Variants in RUBCN observed in about 807,000 individuals in gnomAD.
RUBCN encodes run domain Beclin-1-interacting and cysteine-rich domain-containing protein.
In RUBCN, 74 loss-of-function variants were observed where a neutral mutation model predicts 113.2. That is an observed-to-expected ratio of 0.65 (90% CI 0.54 to 0.79). RUBCN has a LOEUF of 0.79. Among genes scored for constraint, RUBCN ranks in the 30% least tolerant of loss-of-function variants. RUBCN has a pLI of 0.00. For missense variants in RUBCN, 1,109 were observed against 1,251.7 expected (o/e 0.89, Z 1.72); for synonymous variants, 480 against 490.0 (o/e 0.98, Z 0.27).
At chr3:197,717,871 C>G in intron 2 of RUBCN, 106 bp downstream of exon 2, 1 of 1,230,050 alleles carries the variant, frequency 8.1e-7, no homozygotes, top group Non-Finnish European at 1.2e-6. Context: ...CACAGCTGCT[C>G]TCAGGAGTCC....
In RUBCN at chr3:197,694,580, A is replaced by G; in HGVS notation, c.1479T>C (p.Asn493=). The G allele has an allele frequency of 1.2e-6, 2 of 1,614,112 alleles. No homozygotes were observed. The highest frequency in any genetic ancestry group is 1.7e-6 in the Non-Finnish European group (2 of 1,179,942). ...AGGACTCTGAGATGCTGAAGTGGGC[A>G]TTCTCCTGGCGGAAGGAGAGCACCA... The part of the protein sequence containing the change: ...FGSCADLEKE[N]AHFSISESLI... Residue 493 remains asparagine, a synonymous_variant, in exon 10 of 20, where the codon AAT becomes AAC. Transcript: ENST00000296343.
Position 197,729,145 on chromosome 3 carries a change from C to CCAA in RUBCN, c.65+7509_65+7510insTTG, listed in dbSNP as rs1281871272. 1.0e-3 allele frequency among the ~76,000 whole-genome samples: 76 copies of CCAA among 75,446 alleles called. No homozygotes were observed. The East Asian group carries it at 0.031, about 31-fold the overall frequency. The allele number at this position is 75,446 out of a possible 152,430, so 49.5% of individuals were successfully genotyped here. A position where few individuals can be genotyped will look rare whatever the true frequency, so the allele number is the denominator to read the frequency against. Reference sequence around the variant, plus strand: ...TGGGCAACAGAGCGAGACTCCGTCTCAAAAAAAAAAAAAAAAGATTCAATA... The same window carrying CCAA: ...TGGGCAACAGAGCGAGACTCCGTCTCCAAAAAAAAAAAAAAAAAAGATTCAATA... On this transcript the variant is annotated intron_variant, in intron 1 of 19. Transcript: ENST00000296343.
rs1719814503 is a variant in RUBCN at position 197,671,790 on chromosome 3, T to C, written c.*3228A>G. 6.6e-6 allele frequency: 1 copy of C among 152,208 alleles called. No individual in the cohort carries two copies. The highest frequency in any genetic ancestry group is 1.5e-5 in the Non-Finnish European group (1 of 68,038). 9.4% of individuals were successfully genotyped at this position (152,208 alleles called of 1,614,324 possible). On this transcript the variant is annotated 3_prime_UTR_variant, in exon 20 of 20. Transcript: ENST00000296343. Reference sequence around the variant, plus strand: ...CTCATTTTAAGTGACAGTTACACCATGCACCAGAAACCCAGAGAAGTGAAG... The same window carrying C: ...CTCATTTTAAGTGACAGTTACACCACGCACCAGAAACCCAGAGAAGTGAAG...
upstream of RUBCN, among the ~76,000 whole-genome samples, chr3:197,738,633 T>C (rs1728359166): frequency 6.6e-6 from 1 of 152,250 alleles, no homozygotes; most frequent in Admixed American, 6.5e-5. Context: ...TCACCCAGGC[T>C]GGGGTGCAGT....
At chr3:197,746,078 G>A (rs1311144121) in intron 1 of RUBCN, among the ~76,000 whole-genome samples, 1 of 152,172 alleles carries the variant, frequency 6.6e-6, no homozygotes, top group African/African-American at 2.4e-5. Context: ...AAGGTTGCCA[G>A]ATTTAGCAAA....
In RUBCN at chr3:197,707,007, ACTCCAGCATG is replaced by A. The variant is rs1329734471; in HGVS notation, c.220-1842_220-1833del. Among the ~76,000 whole-genome samples, 19 of 142,646 alleles carry A rather than the reference ACTCCAGCATG, an allele frequency of 1.3e-4. 1 individual carries two copies. The highest frequency in any genetic ancestry group is 5.8e-4 in the African/African-American group (19 of 32,684). The allele number at this position is 142,646 out of a possible 152,430, so 93.6% of individuals were successfully genotyped here. A position where few individuals can be genotyped will look rare whatever the true frequency, so the allele number is the denominator to read the frequency against. ...AGGGCTGGGCAGCCGTGGGACATCAACTCCAGCATGTCTCTTGGTTACATCATTTTTAAGT... is the reference window on the plus strand; with the variant it reads ...AGGGCTGGGCAGCCGTGGGACATCAATCTCTTGGTTACATCATTTTTAAGT... On this transcript the variant is annotated intron_variant, in intron 2 of 19. Coordinates refer to ENST00000296343, the MANE Select transcript of RUBCN (RefSeq NM_014687.4).
In RUBCN at chr3:197,707,154, AC is replaced by A. The variant is rs1560443649; in HGVS notation, c.220-1980del. ...GTCAGGAGGTCAAGACCACAGTGAA[AC>A]CCCGTCTCTACTAAAAATACAAAAA... On this transcript the variant is annotated intron_variant, in intron 2 of 19. Transcript: ENST00000296343. Among the ~76,000 whole-genome samples, 4 of 142,862 alleles carry A rather than the reference AC, an allele frequency of 2.8e-5. 1 individual carries two copies. The highest frequency in any genetic ancestry group is 2.7e-4 in the Admixed American group (4 of 14,828). 93.7% of individuals were successfully genotyped at this position (142,862 alleles called of 152,430 possible).
chr3:197,702,147 C>T (rs187254879), intron 5 of RUBCN, among the ~76,000 whole-genome samples: 41 of 152,318 alleles, frequency 2.7e-4, no homozygotes, highest in African/African-American at 9.9e-4. Context: ...AATCAGAAGT[C>T]AGACAGACTA....
rs546913799 is a variant in RUBCN, at chr3:197,675,800, C to A, written c.2647-285G>T. Reference sequence around the variant, plus strand: ...GAGGAAATGGCACCACAAAGGGCTTCCTAAGCCGACAGTCCCATCTGGGTC... The same window carrying A: ...GAGGAAATGGCACCACAAAGGGCTTACTAAGCCGACAGTCCCATCTGGGTC... On this transcript the variant is annotated intron_variant, in intron 18 of 19. Transcript: ENST00000296343. This position sits in a 1 kb window ranked among gnomAD's most constrained non-coding sequence, Gnocchi z 4.4. 1.3e-5 allele frequency among the ~76,000 whole-genome samples: 2 copies of A among 152,330 alleles called. No individual in the cohort carries two copies. Among genetic ancestry groups the A allele is most frequent in the African/African-American group, 4.8e-5 (2 of 41,576 alleles).
At chr3:197,725,667 G>C (rs76891014) in intron 1 of RUBCN, among the ~76,000 whole-genome samples, 12,899 of 151,674 alleles carry the variant, frequency 0.085, 634 homozygotes, top group Middle Eastern at 0.12. Context: ...GCAGCCAAAG[G>C]AGAATCTTAA....
At chr3:197,695,428 C>T (rs554861224) in intron 9 of RUBCN, among the ~76,000 whole-genome samples, 4 of 152,140 alleles carry the variant, frequency 2.6e-5, no homozygotes, top group Non-Finnish European at 5.9e-5. Flanking sequence ...AGACCTCCCC[C>T]ATCTCTACAA....
intron 1 of RUBCN, among the ~76,000 whole-genome samples, chr3:197,744,764 A>G (rs1002674924): frequency 6.6e-6 from 1 of 152,214 alleles, no homozygotes; most frequent in Non-Finnish European, 1.5e-5. Flanking sequence ...ATACTAGAAA[A>G]TGCAAATTAA....
At chr3:197,741,021 A>C (rs2109022225), upstream of RUBCN, among the ~76,000 whole-genome samples, 1 of 152,334 alleles carries the variant, frequency 6.6e-6, no homozygotes, top group Non-Finnish European at 1.5e-5. Context: ...AATGTGGCAA[A>C]ACATTAATTG....
At chr3:197,720,019 A>C (rs983263400) in intron 1 of RUBCN, among the ~76,000 whole-genome samples, 5 of 151,936 alleles carry the variant, frequency 3.3e-5, no homozygotes, top group Admixed American at 3.3e-4. Context: ...ACCAGAATGT[A>C]CTCCTTCTGT....
intron 1 of RUBCN, among the ~76,000 whole-genome samples, chr3:197,718,792 G>C (rs2108961489): frequency 6.6e-6 from 1 of 152,152 alleles, no homozygotes; most frequent in South Asian, 2.1e-4. Flanking sequence ...AAAAGATGAA[G>C]GCATCCACAC....
At chr3:197,729,485 C>G (rs1177438387) in intron 1 of RUBCN, among the ~76,000 whole-genome samples, 1 of 152,070 alleles carries the variant, frequency 6.6e-6, no homozygotes, top group Non-Finnish European at 1.5e-5. Context: ...GATCTCCTGA[C>G]CTTGTGATCC....
intron 7 of RUBCN, among the ~76,000 whole-genome samples, chr3:197,698,101 C>T (rs760518756): frequency 3.3e-5 from 5 of 152,332 alleles, no homozygotes; most frequent in Middle Eastern, 3.4e-3. Flanking sequence ...CGACCTTAAC[C>T]TCTTTACAAC....
chr3:197,743,138 C>T (rs957677015), intron 1 of RUBCN, among the ~76,000 whole-genome samples: 12 of 152,210 alleles, frequency 7.9e-5, no homozygotes, highest in African/African-American at 2.7e-4. Flanking sequence ...CTAGCTGAGG[C>T]GGGCAGGCTC....
chr3:197,697,198 G>A, intron 7 of RUBCN, 149 bp from the exon 8 acceptor site: 2 of 669,486 alleles, frequency 3.0e-6, no homozygotes, highest in Non-Finnish European at 5.5e-6. Flanking sequence ...ACAGCCCAAG[G>A]GTACAGAAAC....
Sources: allele counts gnomAD v4.1 joint callset (sites outside exome capture counted in the v4.1 genomes callset), GRCh38; gene constraint gnomAD v4.1.1; non-coding constraint Gnocchi (gnomAD v3.1); transcripts MANE v1.5; gene names NCBI Gene and HGNC (gene_info 2026-07-23, HGNC 2026-07-21).